Variants in ANKLE2 observed in about 807,000 individuals in gnomAD.
ANKLE2 encodes ankyrin repeat and LEM domain containing 2, also known as ankyrin repeat and LEM domain-containing protein 2.
A neutral mutation model predicts 84.2 loss-of-function variants in ANKLE2; 55 were observed. The ratio of observed to expected loss-of-function variants is 0.65; its 90% confidence interval spans 0.53 to 0.82. The LOEUF is 0.82. Ranked by LOEUF, ANKLE2 falls within the 40% of genes least tolerant of loss-of-function variation. The pLI is 0.00. For synonymous variants in ANKLE2, 551 were observed against 486.1 expected, an observed-to-expected ratio of 1.13 and a Z score of -1.76; for missense variants, 1,238 against 1,201.9, an observed-to-expected ratio of 1.03 and a Z score of -0.44.
chr12:132,753,429 G>A (rs923567270), intron 2 of ANKLE2, among the ~76,000 whole-genome samples: 2 of 151,896 alleles, frequency 1.3e-5, no homozygotes, highest in Admixed American at 6.6e-5. Context: ...AGGGCAGTTC[G>A]AGAGAAGCGT....
chr12:132,729,282 T>C (rs992681686), intron 11 of ANKLE2, among the ~76,000 whole-genome samples: 2 of 134,502 alleles, frequency 1.5e-5, no homozygotes, highest in Non-Finnish European at 3.1e-5. Flanking sequence ...ACCTGGGAGG[T>C]GGAGGTTACA....
chr12:132,748,618 G>A (rs1290075865), intron 3 of ANKLE2, among the ~76,000 whole-genome samples: 1 of 152,146 alleles, frequency 6.6e-6, no homozygotes, highest in African/African-American at 2.4e-5. Context: ...GCGCCCCCAT[G>A]AGCACAGCAA....
chr12:132,733,728 C>A (rs897976412), intron 10 of ANKLE2, among the ~76,000 whole-genome samples: 12 of 150,714 alleles, frequency 8.0e-5, no homozygotes, highest in Non-Finnish European at 1.6e-4. Flanking sequence ...GTGTCTGATA[C>A]GCACCGTGCA....
chr12:132,732,597 C>T (rs1199780850), intron 10 of ANKLE2, among the ~76,000 whole-genome samples: 7 of 124,822 alleles, frequency 5.6e-5, no homozygotes, highest in Non-Finnish European at 1.0e-4. Context: ...TGATACGCAC[C>T]GTGTGAAGCT....
Position 132,761,699 on chromosome 12 carries a change from G to A in ANKLE2, c.100C>T (p.Arg34Trp). The change falls in exon 1 of 13, where the codon CGG becomes TGG. Residue 34 changes from arginine to tryptophan, a missense_variant. Physicochemically the swap from Arg to Trp is moderately radical, Grantham distance 101. Coordinates refer to ENST00000357997, the MANE Select transcript of ANKLE2 (RefSeq NM_015114.3). ...AGACCTCCCGGCCGCGGGCCCAGCC[G>A]CCGCACCAGCCACCGCACAGCGATC... ...LLIAVRWLVR[R>W]LGPRPGGLGR... 3.7e-6 allele frequency: 5 copies of A among 1,348,892 alleles called. No individual in the cohort carries two copies. The highest frequency in any genetic ancestry group is 1.7e-5 in the South Asian group (1 of 58,488). 83.6% of individuals were successfully genotyped at this position (1,348,892 alleles called of 1,614,324 possible).
rs1408295069 is a variant in ANKLE2, at chr12:132,747,999, T to C, written c.1063A>G (p.Met355Val). ...IVQEGCRYNV[M>V]HVAAKENQAS... ...TGGTTCTCTTTGGCAGCAACATGCA[T>C]CACGTTGTACCTGCACCCTTCCTGA... The change falls in exon 5 of 13, where the codon ATG becomes GTG. Residue 355 changes from methionine (M) to valine (V), a missense_variant. This residue lies in a region of ANKLE2 where 802 missense variants were observed against 774.5 expected (regional missense o/e 1.04). Coordinates refer to ENST00000357997, the MANE Select transcript of ANKLE2 (RefSeq NM_015114.3). 4 of 1,600,062 alleles carry C rather than the reference T, an allele frequency of 2.5e-6. No individual in the cohort carries two copies. The South Asian group carries it at 3.4e-5, about 13-fold the overall frequency.
intron 11 of ANKLE2, among the ~76,000 whole-genome samples, chr12:132,729,369 G>T (rs566548058): frequency 2.2e-4 from 3 of 13,864 alleles, no homozygotes; most frequent in South Asian, 3.1e-3. Context: ...GAGAGGAGAG[G>T]AGAGTCGAGG....
chr12:132,728,069 T>C lies in ANKLE2; in HGVS notation c.2578A>G (p.Ser860Gly), dbSNP rs2043746398. 2 of 1,612,808 alleles carry C rather than the reference T, an allele frequency of 1.2e-6. No homozygotes were observed. Among genetic ancestry groups the C allele is most frequent in the Non-Finnish European group, 1.7e-6 (2 of 1,179,912 alleles). The change falls in exon 12 of 13, where the codon AGT (serine) becomes GGT (glycine). Residue 860 changes from serine (S) to glycine (G), a missense_variant. Around this residue, in one of 3 missense-constraint regions of ANKLE2, gnomAD observed 802 missense variants for 774.5 expected, o/e 1.04. Transcript: ENST00000357997. ...GAGGGTGAGTAGCACAGGACAGCAC[T>C]CTTCCATCTGTGCACGGCCGGGAAC... ...HQFPAVHRWK[S>G]AVLCYSPSDR...
In ANKLE2 at chr12:132,743,339, G is replaced by C; in HGVS notation, c.1231-63C>G. 1 of 1,504,004 alleles carries C rather than the reference G, an allele frequency of 6.6e-7. No homozygotes were observed. Among genetic ancestry groups the C allele is most frequent in the Non-Finnish European group, 8.9e-7 (1 of 1,118,464 alleles). 93.2% of individuals were successfully genotyped at this position (1,504,004 alleles called of 1,614,324 possible). A position where few individuals can be genotyped will look rare whatever the true frequency, so the allele number is the denominator to read the frequency against. ...TTGTCTCATGAGGTTGCTCTAAGGTGAAAATACATATTCATTCATTCATTC... is the reference window on the plus strand; with the variant it reads ...TTGTCTCATGAGGTTGCTCTAAGGTCAAAATACATATTCATTCATTCATTC... On this transcript the variant is annotated intron_variant, in intron 5 of 12. Coordinates refer to ENST00000357997, the MANE Select transcript of ANKLE2 (RefSeq NM_015114.3). This position sits in a 1 kb window ranked among gnomAD's most constrained non-coding sequence, Gnocchi z 4.1.
intron 2 of ANKLE2, 103 bp downstream of exon 2, chr12:132,754,572 G>T: frequency 8.3e-7 from 1 of 1,200,098 alleles, no homozygotes. Context: ...GAGGGGATTG[G>T]ATTTTTTCCT....
Position 132,743,295 on chromosome 12 carries a change from G to A in ANKLE2, c.1231-19C>T, listed in dbSNP as rs747450115. The stretch of plus-strand genomic sequence containing the variant: ...CATAGCCCTGAAAAAAGGTGCAGAG[G>A]AAGTACAATTATTCACACTTGTCTC... On this transcript the variant is annotated intron_variant, in intron 5 of 12. Coordinates refer to ENST00000357997, the MANE Select transcript of ANKLE2 (RefSeq NM_015114.3). The surrounding 1 kb of genome is among the most constrained non-coding windows in gnomAD (Gnocchi z 4.1). 4.4e-6 allele frequency: 7 copies of A among 1,581,206 alleles called. No individual in the cohort carries two copies. In the African/African-American group the frequency reaches 6.8e-5, roughly 15 times the overall value.
chr12:132,736,809 G>A (rs1390317689), intron 8 of ANKLE2, 84 bp downstream of exon 8: 12 of 1,469,574 alleles, frequency 8.2e-6, no homozygotes, highest in Admixed American at 6.9e-5. Flanking sequence ...CTGAGACCAC[G>A]CACAAGGCAA....
Position 132,728,105 on chromosome 12 carries a change from C to A in ANKLE2, c.2542G>T (p.Asp848Tyr). The change falls in exon 12 of 13, where the codon GAC (aspartate) becomes TAC (tyrosine). Residue 848 changes from aspartate (D) to tyrosine (Y), a missense_variant. Transcript: ENST00000357997. ...TGCACGGCCGGGAACTGATGGGGGT[C>A]GACGTCTGCACATTCAAGAGCGGCC... The part of the protein sequence containing the change: ...VLAALECADV[D>Y]PHQFPAVHRW... 7 of 1,612,944 alleles carry A rather than the reference C, an allele frequency of 4.3e-6. No individual in the cohort carries two copies. The highest frequency in any genetic ancestry group is 5.9e-6 in the Non-Finnish European group (7 of 1,179,928).
rs1404861672 is a variant in ANKLE2, at chr12:132,734,479, TA to T, written c.1796del (p.Leu599GlnfsTer10). On this transcript the variant is annotated frameshift_variant, in exon 10 of 13. Transcript: ENST00000357997. LOFTEE classifies it high-confidence loss of function. ...TTTCCTGCTGTGTGAGATATTCTTC[TA>T]GTCTTTGCAGGCCTTCCTGGGAAGA... is the stretch of plus-strand genomic sequence containing the variant. ...DLSSQEGLQRLEEYLTQQEIG... is the reference protein window; with the variant it reads ...DLSSQEGLQRXEEYLTQQEIG... 6.8e-6 allele frequency: 11 copies of T among 1,614,052 alleles called. No homozygotes were observed. Among genetic ancestry groups the T allele is most frequent in the Non-Finnish European group, 9.3e-6 (11 of 1,180,034 alleles).
chr12:132,741,148 C>G (rs2044114170), intron 7 of ANKLE2, among the ~76,000 whole-genome samples: 1 of 152,202 alleles, frequency 6.6e-6, no homozygotes, highest in Admixed American at 6.5e-5. Context: ...AGGCCACCAG[C>G]AACAGGCAGC....
intron 10 of ANKLE2, chr12:132,731,378 G>A (rs546237402): frequency 6.6e-6 from 1 of 152,292 alleles, no homozygotes; most frequent in South Asian, 2.1e-4. Flanking sequence ...GGTCGTGACT[G>A]TTGAAGATTC....
At chr12:132,736,245 C>T (rs192423143) in intron 8 of ANKLE2, among the ~76,000 whole-genome samples, 90 of 152,346 alleles carry the variant, frequency 5.9e-4, no homozygotes, top group African/African-American at 2.1e-3. Flanking sequence ...TCCCGGCGCC[C>T]GGCCTGGAGC....
Position 132,737,120 on chromosome 12 carries a change from C to T in ANKLE2, c.1421-55G>A, listed in dbSNP as rs557215130. The T allele has an allele frequency of 7.8e-4, 1,193 of 1,526,752 alleles. 1 individual carries two copies. Among genetic ancestry groups the T allele is most frequent in the Non-Finnish European group, 9.9e-4 (1,128 of 1,134,226 alleles). The allele number at this position is 1,526,752 out of a possible 1,614,324, so 94.6% of individuals were successfully genotyped here. A position where few individuals can be genotyped will look rare whatever the true frequency, so the allele number is the denominator to read the frequency against. ...GCTTCCGCCCCCTCCGCAGGTCAGG[C>T]CTGGGTGAGCAGGACGGGGATCACG... is the stretch of plus-strand genomic sequence containing the variant. On this transcript the variant is annotated intron_variant, in intron 7 of 12. Transcript: ENST00000357997.
rs534433462 is a variant in ANKLE2 at position 132,755,204 on chromosome 12, A to G, written c.182-71T>C. 56 of 1,345,482 alleles carry G rather than the reference A, an allele frequency of 4.2e-5. No individual in the cohort carries two copies. In the African/African-American group the frequency reaches 8.0e-4, roughly 19 times the overall value. 83.3% of individuals were successfully genotyped at this position (1,345,482 alleles called of 1,614,324 possible). A position where few individuals can be genotyped will look rare whatever the true frequency, so the allele number is the denominator to read the frequency against. On this transcript the variant is annotated intron_variant, in intron 1 of 12. Coordinates refer to ENST00000357997, the MANE Select transcript of ANKLE2 (RefSeq NM_015114.3). ...CTGCTGAAGCTGGGTGATGGGTACT[A>G]GGGTTCATTATATAATGGCATCAGT...
Sources: allele counts gnomAD v4.1 joint callset (sites outside exome capture counted in the v4.1 genomes callset), GRCh38; gene constraint gnomAD v4.1.1; regional missense constraint gnomAD v4.1.1; non-coding constraint Gnocchi (gnomAD v3.1); transcripts MANE v1.5; gene names NCBI Gene and HGNC (gene_info 2026-07-23, HGNC 2026-07-21).